KIF26B: variants seen among roughly 807,000 people sequenced by gnomAD.
KIF26B encodes kinesin family member 26B.
KIF26B carries 63 observed loss-of-function variants against 151.2 expected under a neutral mutation model. The observed-to-expected ratio is 0.42, with a 90% CI of 0.34 to 0.51. KIF26B has a LOEUF of 0.51. KIF26B is among the 20% of genes least tolerant of loss of function. The pLI is 0.07. For synonymous variants in KIF26B, 1,357 were observed against 1,262.1 expected, an observed-to-expected ratio of 1.08 and a Z score of -1.59; for missense variants, 2,813 against 2,913.6, an observed-to-expected ratio of 0.97 and a Z score of 0.79.
In KIF26B at chr1:245,480,584, A is replaced by C. The variant is rs947102433; in HGVS notation, c.1167-60183A>C. ...AGTACATCAAGAGTTGAAGTGTTGC[A>C]CTAATGCTTTCCAAGAGTCAGAGCT... On this transcript the variant is annotated intron_variant, in intron 4 of 14. Coordinates refer to ENST00000407071, the MANE Select transcript of KIF26B (RefSeq NM_018012.4). Among the ~76,000 whole-genome samples the C allele has an allele frequency of 3.3e-5, 5 of 151,634 alleles. 1 individual carries two copies. Among genetic ancestry groups the C allele is most frequent in the Non-Finnish European group, 7.4e-5 (5 of 67,776 alleles).
chr1:245,475,509 T>A (rs1485516117), intron 4 of KIF26B, among the ~76,000 whole-genome samples: 5 of 151,780 alleles, frequency 3.3e-5, no homozygotes, highest in Non-Finnish European at 7.4e-5. Context: ...ATTGCACCAG[T>A]GCATTCCAGC....
intron 10 of KIF26B, among the ~76,000 whole-genome samples, chr1:245,661,605 T>C (rs1196844438): frequency 6.6e-6 from 1 of 150,766 alleles, no homozygotes; most frequent in African/African-American, 2.4e-5. Context: ...ATACACCCAA[T>C]GATATATATA....
intron 10 of KIF26B, among the ~76,000 whole-genome samples, chr1:245,660,989 C>CT (rs35859643): frequency 0.46 from 64,351 of 138,740 alleles, 15,800 homozygotes; most frequent in East Asian, 0.75. Flanking sequence ...TTTCTTTTTT[C>CT]TTTTTTTTTT....
chr1:245,184,894 T>C lies in KIF26B; in HGVS notation c.465+28211T>C, dbSNP rs1668973806. Reference sequence around the variant, plus strand: ...AGAGGTTTATTATTGCTGTAGCAGATAGAGAGCGTCTTGCTTGCACTGCAG... The same window carrying C: ...AGAGGTTTATTATTGCTGTAGCAGACAGAGAGCGTCTTGCTTGCACTGCAG... On this transcript the variant is annotated intron_variant, in intron 2 of 14. Transcript: ENST00000407071. Among the ~76,000 whole-genome samples, 3 of 152,204 alleles carry C rather than the reference T, an allele frequency of 2.0e-5. No individual in the cohort carries two copies. The South Asian group carries it at 6.2e-4, about 31-fold the overall frequency.
chr1:245,496,742 A>G (rs1184554195), intron 4 of KIF26B, among the ~76,000 whole-genome samples: 1 of 152,230 alleles, frequency 6.6e-6, no homozygotes, highest in Non-Finnish European at 1.5e-5. Flanking sequence ...TAATTAAAAG[A>G]TAATTATTGT....
At chr1:245,259,602 T>C (rs573532836) in intron 2 of KIF26B, among the ~76,000 whole-genome samples, 1 of 152,128 alleles carries the variant, frequency 6.6e-6, no homozygotes, top group Admixed American at 6.5e-5. Context: ...CCTCCTATGA[T>C]GTTCAGAAGC....
rs867490342 is a variant in KIF26B at position 245,170,682 on chromosome 1, G to C, written c.465+13999G>C. On this transcript the variant is annotated intron_variant, in intron 2 of 14. Transcript: ENST00000407071. This position sits in a 1 kb window ranked among gnomAD's most constrained non-coding sequence, Gnocchi z 4.4. ...TGTCCTCACGTAGTGGAAGGGACTG[G>C]CTAGCTCTCCAGGGTCTGTTTTGTA... Among the ~76,000 whole-genome samples the C allele has an allele frequency of 2.0e-5, 3 of 152,268 alleles. No homozygotes were observed. The highest frequency in any genetic ancestry group is 3.4e-3 in the Middle Eastern group (1 of 294).
At chr1:245,191,214 A>C (rs1669103671) in intron 2 of KIF26B, among the ~76,000 whole-genome samples, 2 of 151,592 alleles carry the variant, frequency 1.3e-5, no homozygotes, top group Non-Finnish European at 2.9e-5. Context: ...CATTGAAAAG[A>C]GTAAAATCCC....
chr1:245,609,075 TTTAG>T (rs1260333402), intron 7 of KIF26B, among the ~76,000 whole-genome samples, 187 bp from the exon 8 acceptor site: 1 of 152,156 alleles, frequency 6.6e-6, no homozygotes, highest in Non-Finnish European at 1.5e-5. Flanking sequence ...ATTGTAGCCA[TTTAG>T]TTAGTAATAC....
Position 245,239,582 on chromosome 1 carries a change from C to T in KIF26B, c.465+82899C>T, listed in dbSNP as rs898372170. 1.3e-5 allele frequency among the ~76,000 whole-genome samples: 2 copies of T among 152,272 alleles called. No individual in the cohort carries two copies. The highest frequency in any genetic ancestry group is 4.8e-5 in the African/African-American group (2 of 41,566). On this transcript the variant is annotated intron_variant, in intron 2 of 14. Transcript: ENST00000407071. The surrounding 1 kb of genome is among the most constrained non-coding windows in gnomAD (Gnocchi z 4.3). ...GCAGTGGCGTGATCTCAGCTCACTG[C>T]AACCTCTGCCTCCTAGGTTCAAGCA... is the stretch of plus-strand genomic sequence containing the variant.
rs112344549 is a variant in KIF26B, at chr1:245,559,457, C to T, written c.1350+18507C>T. 1.1e-3 allele frequency among the ~76,000 whole-genome samples: 167 copies of T among 152,172 alleles called. 2 individuals are homozygous for T. Among genetic ancestry groups the T allele is most frequent in the African/African-American group, 3.9e-3 (163 of 41,500 alleles). Reference sequence around the variant, plus strand: ...AGACGGAGTCTTGCTCTGTCGCCCACGTTGGTGTGCAGTGGTGCGATCTCA... The same window carrying T: ...AGACGGAGTCTTGCTCTGTCGCCCATGTTGGTGTGCAGTGGTGCGATCTCA... On this transcript the variant is annotated intron_variant, in intron 5 of 14. Coordinates refer to ENST00000407071, the MANE Select transcript of KIF26B (RefSeq NM_018012.4).
intron 4 of KIF26B, among the ~76,000 whole-genome samples, chr1:245,431,950 T>C (rs1041831953): frequency 2.6e-5 from 4 of 152,162 alleles, no homozygotes; most frequent in African/African-American, 9.7e-5. Context: ...CTAGGCATAT[T>C]GACCTCCTTG....
rs1413409128 is a variant in KIF26B, at chr1:245,184,056, T to TG, written c.465+27373_465+27374insG. On this transcript the variant is annotated intron_variant, in intron 2 of 14. Coordinates refer to ENST00000407071, the MANE Select transcript of KIF26B (RefSeq NM_018012.4). ...GGTATGGGTGGGAGTTGTTGTTTTTTTTTTTTTTTTTTTGAGCTTTCTTAA... is the reference window on the plus strand; with the variant it reads ...GGTATGGGTGGGAGTTGTTGTTTTTTGTTTTTTTTTTTTTGAGCTTTCTTAA... 5.1e-5 allele frequency among the ~76,000 whole-genome samples: 6 copies of TG among 116,590 alleles called. 1 individual carries two copies. Among genetic ancestry groups the TG allele is most frequent in the Non-Finnish European group, 1.1e-4 (6 of 54,464 alleles). 76.5% of individuals were successfully genotyped at this position (116,590 alleles called of 152,430 possible).
chr1:245,390,175 G>T (rs1372096754), intron 3 of KIF26B, among the ~76,000 whole-genome samples: 1 of 146,940 alleles, frequency 6.8e-6, no homozygotes. Context: ...TATTTGGAGG[G>T]TTTTTTTTTT....
intron 2 of KIF26B, among the ~76,000 whole-genome samples, chr1:245,205,449 T>G (rs1218570465): frequency 6.6e-6 from 1 of 152,116 alleles, no homozygotes; most frequent in Non-Finnish European, 1.5e-5. Context: ...GGGGGAATAA[T>G]ACTTGAAGTG....
chr1:245,559,778 T>C (rs149909161), intron 5 of KIF26B, among the ~76,000 whole-genome samples: 1 of 152,038 alleles, frequency 6.6e-6, no homozygotes, highest in East Asian at 1.9e-4. Flanking sequence ...ACTCCTGGAC[T>C]CAAGTGATCC....
At chr1:245,680,991 A>G (rs189459130) in intron 10 of KIF26B, among the ~76,000 whole-genome samples, 39 of 152,202 alleles carry the variant, frequency 2.6e-4, no homozygotes, top group African/African-American at 9.4e-4. Flanking sequence ...CTGATGTCCT[A>G]TTTAGGGTCC....
intron 4 of KIF26B, among the ~76,000 whole-genome samples, chr1:245,511,303 C>A (rs1051676757): frequency 6.6e-6 from 1 of 152,118 alleles, no homozygotes; most frequent in African/African-American, 2.4e-5. Flanking sequence ...GTTCAATGGA[C>A]TTGCAGAATA....
chr1:245,550,197 T>C (rs1044074537), intron 5 of KIF26B, among the ~76,000 whole-genome samples: 4 of 152,238 alleles, frequency 2.6e-5, no homozygotes, highest in African/African-American at 9.6e-5. Context: ...TTTTGTCCAC[T>C]TGTAGCTCAT....
Sources: gnomAD v4.1 joint callset for allele counts (sites outside exome capture counted in the v4.1 genomes callset) on GRCh38, gnomAD v4.1.1 for gene constraint, Gnocchi (gnomAD v3.1) non-coding constraint, MANE v1.5 for transcripts, NCBI Gene and HGNC (gene_info 2026-07-23, HGNC 2026-07-21) for gene names.